JAKMIP1: variants seen among roughly 807,000 people sequenced by gnomAD.
JAKMIP1 encodes janus kinase and microtubule-interacting protein 1.
JAKMIP1 carries 33 observed loss-of-function variants against 113.0 expected under a neutral mutation model. The observed-to-expected ratio is 0.29, with a 90% CI of 0.22 to 0.39. The LOEUF is 0.39. Ranked by LOEUF, JAKMIP1 falls within the 10% of genes least tolerant of loss-of-function variation. The probability of loss-of-function intolerance (pLI) is 1.00; values close to 1 mark genes in which losing one functional copy is unlikely to be tolerated. For missense variants in JAKMIP1, 813 were observed against 1,080.5 expected, an observed-to-expected ratio of 0.75 and a Z score of 3.47; for synonymous variants, 480 against 459.9, an observed-to-expected ratio of 1.04 and a Z score of -0.56.
At chr4:6,172,319 A>T (rs184099784) in intron 1 of JAKMIP1, among the ~76,000 whole-genome samples, 239 of 152,162 alleles carry the variant, frequency 1.6e-3, no homozygotes, top group Admixed American at 0.014. Context: ...GTCCCCTGGC[A>T]CTCACCAGAC....
intron 1 of JAKMIP1, among the ~76,000 whole-genome samples, chr4:6,174,311 G>A (rs78859905): frequency 6.6e-6 from 1 of 152,348 alleles, no homozygotes; most frequent in African/African-American, 2.4e-5. Flanking sequence ...AAGTGGAAAA[G>A]TAAAATTTAA....
chr4:6,172,225 T>C lies in JAKMIP1; in HGVS notation c.-148+28028A>G, dbSNP rs543651023. On this transcript the variant is annotated intron_variant, in intron 1 of 20. Coordinates refer to ENST00000409021, the MANE Select transcript of JAKMIP1 (RefSeq NM_001099433.2). Reference sequence around the variant, plus strand: ...TCAGGGCAAAGGATGCTTTCCTCCATGCTGCCCGAGCACTGGCCGAGAAGC... The same window carrying C: ...TCAGGGCAAAGGATGCTTTCCTCCACGCTGCCCGAGCACTGGCCGAGAAGC... Among the ~76,000 whole-genome samples the C allele has an allele frequency of 1.8e-4, 27 of 152,330 alleles. No homozygotes were observed. The East Asian group carries it at 3.7e-3, about 21-fold the overall frequency.
intron 20 of JAKMIP1, among the ~76,000 whole-genome samples, chr4:6,027,955 C>G (rs530285608): frequency 6.6e-6 from 1 of 152,292 alleles, no homozygotes; most frequent in Admixed American, 6.5e-5. Context: ...CCGGTGCTGC[C>G]AGTCCACACG....
intron 7 of JAKMIP1, 65 bp from the exon 8 acceptor site, chr4:6,079,063 G>A: frequency 5.1e-6 from 8 of 1,572,640 alleles, no homozygotes; most frequent in Non-Finnish European, 7.0e-6. Context: ...AAAGCCACTG[G>A]CTCTCAAAGG....
intron 1 of JAKMIP1, among the ~76,000 whole-genome samples, chr4:6,152,869 G>A (rs1427720277): frequency 6.6e-6 from 1 of 150,528 alleles, no homozygotes; most frequent in Non-Finnish European, 1.5e-5. Flanking sequence ...TACTCAGGAG[G>A]CTGAGGCAGG....
intron 8 of JAKMIP1, among the ~76,000 whole-genome samples, chr4:6,077,780 G>T (rs543652846): frequency 6.6e-6 from 1 of 152,020 alleles, no homozygotes; most frequent in Non-Finnish European, 1.5e-5. Context: ...CACTGTGCCC[G>T]GTCTTTTTCG....
chr4:6,059,215 G>C lies in JAKMIP1; in HGVS notation c.1644+1209C>G, dbSNP rs114722688. Among the ~76,000 whole-genome samples, 664 of 152,304 alleles carry C rather than the reference G, an allele frequency of 4.4e-3. 6 individuals carry two copies. Among genetic ancestry groups the C allele is most frequent in the African/African-American group, 0.015 (636 of 41,570 alleles). On this transcript the variant is annotated intron_variant, in intron 11 of 20. Coordinates refer to ENST00000409021, the MANE Select transcript of JAKMIP1 (RefSeq NM_001099433.2). This position sits in a 1 kb window ranked among gnomAD's most constrained non-coding sequence, Gnocchi z 4.8. ...CTGGGCACTCACATTCCCCCACGCA[G>C]TCCATTGGTAAAGTCTGCTGTGGTG...
intron 1 of JAKMIP1, among the ~76,000 whole-genome samples, chr4:6,127,978 C>G (rs1717965987): frequency 6.6e-6 from 1 of 152,216 alleles, no homozygotes; most frequent in Admixed American, 6.5e-5. Flanking sequence ...CCACCCCCAT[C>G]TCTGGGTAAC....
chr4:6,195,816 G>A (rs1488759537), intron 1 of JAKMIP1, among the ~76,000 whole-genome samples: 2 of 152,210 alleles, frequency 1.3e-5, no homozygotes, highest in Non-Finnish European at 2.9e-5. Flanking sequence ...AAATGTCTTT[G>A]GCTTCCCAGA....
intron 1 of JAKMIP1, among the ~76,000 whole-genome samples, chr4:6,131,481 A>G (rs566219440): frequency 4.1e-4 from 62 of 152,060 alleles, no homozygotes; most frequent in African/African-American, 1.3e-3. Flanking sequence ...TGTAATCCCA[A>G]TGCTTTGGGA....
intron 12 of JAKMIP1, 61 bp from the exon 13 acceptor site, chr4:6,054,209 C>T (rs2108771930): frequency 6.5e-7 from 1 of 1,537,076 alleles, no homozygotes; most frequent in Admixed American, 1.7e-5. Flanking sequence ...CCCCTGGTCA[C>T]AGGCCACCTG....
intron 1 of JAKMIP1, among the ~76,000 whole-genome samples, chr4:6,171,092 CACT>C (rs1315651435): frequency 2.0e-5 from 3 of 147,202 alleles, no homozygotes; most frequent in East Asian, 2.2e-4. Context: ...TTACCCTTCT[CACT>C]ACTACCACCA....
chr4:6,166,468 A>G (rs1723645775), intron 1 of JAKMIP1, among the ~76,000 whole-genome samples: 1 of 152,180 alleles, frequency 6.6e-6, no homozygotes, highest in Non-Finnish European at 1.5e-5. Flanking sequence ...CACCCAAGCA[A>G]TAACTGTGGC....
rs73075416 is a variant in JAKMIP1, at chr4:6,135,360, G to A, written c.-147-22363C>T. 0.012 allele frequency among the ~76,000 whole-genome samples: 1,850 copies of A among 152,254 alleles called. 49 individuals carry two copies. The highest frequency in any genetic ancestry group is 0.038 in the African/African-American group (1,567 of 41,534). ...GTGAGGACATGGGGAGAAGACGGCC[G>A]TCTACAAGCCAAGGAGAGAGGCTTC... is the stretch of plus-strand genomic sequence containing the variant. On this transcript the variant is annotated intron_variant, in intron 1 of 20. Coordinates refer to ENST00000409021, the MANE Select transcript of JAKMIP1 (RefSeq NM_001099433.2). This position sits in a 1 kb window ranked among gnomAD's most constrained non-coding sequence, Gnocchi z 4.9.
rs1365512402 is a variant in JAKMIP1 at position 6,194,300 on chromosome 4, T to G, written c.-148+5953A>C. Reference sequence around the variant, plus strand: ...CGGTTTACAGTAAATGAATTTCACCTCAATTTTTTTAAGAAAAAGAAGGGG... The same window carrying G: ...CGGTTTACAGTAAATGAATTTCACCGCAATTTTTTTAAGAAAAAGAAGGGG... On this transcript the variant is annotated intron_variant, in intron 1 of 20. Coordinates refer to ENST00000409021, the MANE Select transcript of JAKMIP1 (RefSeq NM_001099433.2). The surrounding 1 kb of genome is among the most constrained non-coding windows in gnomAD (Gnocchi z 7.4). 6.6e-6 allele frequency among the ~76,000 whole-genome samples: 1 copy of G among 152,058 alleles called. No homozygotes were observed. The highest frequency in any genetic ancestry group is 1.9e-4 in the East Asian group (1 of 5,180).
Position 6,156,358 on chromosome 4 carries a change from C to A in JAKMIP1, c.-147-43361G>T, listed in dbSNP as rs570086866. On this transcript the variant is annotated intron_variant, in intron 1 of 20. Transcript: ENST00000409021. The surrounding 1 kb of genome is among the most constrained non-coding windows in gnomAD (Gnocchi z 5.0). ...TAATGAATAGCACTTTTTCCCATTT[C>A]TTTAGTGGTACAAAAATAATGATGC... Among the ~76,000 whole-genome samples the A allele has an allele frequency of 2.6e-5, 4 of 152,306 alleles. No individual in the cohort carries two copies. In the South Asian group the frequency reaches 8.3e-4, roughly 32 times the overall value.
rs1177553482 is a variant in JAKMIP1 at position 6,167,563 on chromosome 4, G to A, written c.-148+32690C>T. Reference sequence around the variant, plus strand: ...GGCCCATGCTTAGTGCTCTTCTGATGCCATCTTGAAATTCTTAACCATTTT... The same window carrying A: ...GGCCCATGCTTAGTGCTCTTCTGATACCATCTTGAAATTCTTAACCATTTT... On this transcript the variant is annotated intron_variant, in intron 1 of 20. Coordinates refer to ENST00000409021, the MANE Select transcript of JAKMIP1 (RefSeq NM_001099433.2). This position sits in a 1 kb window ranked among gnomAD's most constrained non-coding sequence, Gnocchi z 5.3. 2.0e-5 allele frequency among the ~76,000 whole-genome samples: 3 copies of A among 152,296 alleles called. No homozygotes were observed. In the East Asian group the frequency reaches 5.8e-4, roughly 29 times the overall value.
intron 1 of JAKMIP1, among the ~76,000 whole-genome samples, chr4:6,147,186 T>C (rs1273791790): frequency 6.6e-6 from 1 of 152,008 alleles, no homozygotes. Flanking sequence ...GGTCTCAAAC[T>C]CTTAACCTCA....
At chr4:6,100,881 T>G (rs1258862022) in intron 3 of JAKMIP1, among the ~76,000 whole-genome samples, 2 of 152,350 alleles carry the variant, frequency 1.3e-5, no homozygotes, top group East Asian at 3.9e-4. Context: ...TTTTGAAATA[T>G]TCTTTCAAGC....
Sources: gnomAD v4.1 joint callset for allele counts (sites outside exome capture counted in the v4.1 genomes callset) on GRCh38, gnomAD v4.1.1 for gene constraint, Gnocchi (gnomAD v3.1) non-coding constraint, MANE v1.5 for transcripts, NCBI Gene and HGNC (gene_info 2026-07-23, HGNC 2026-07-21) for gene names.